Variants in PM20D2 observed in about 807,000 individuals in gnomAD.
The protein encoded by PM20D2 is xaa-Arg dipeptidase.
In PM20D2, 33 loss-of-function variants were observed where a neutral mutation model predicts 42.9. That is an observed-to-expected ratio of 0.77 (90% CI 0.58 to 1.03). The LOEUF (loss-of-function observed/expected upper bound fraction) is 1.03, where lower values mean the gene tolerates loss of function less well. Among genes scored for constraint, PM20D2 ranks in the 50% least tolerant of loss-of-function variants. The pLI is 0.00. For synonymous variants in PM20D2, 250 were observed against 228.2 expected (o/e 1.10, Z -0.86); for missense variants, 548 against 557.0 (o/e 0.98, Z 0.16).
At chr6:89,120,710 TA>T in the PM20D2 span, among the ~76,000 whole-genome samples, 633 of 144,276 alleles carry the variant, frequency 4.4e-3, 5 homozygotes, top group African/African-American at 0.011. Flanking sequence ...TACAGAAAAT[TA>T]AAAAAAAAAA....
the PM20D2 span, chr6:89,105,152 C>G: frequency 6.2e-7 from 1 of 1,612,666 alleles, no homozygotes; most frequent in Non-Finnish European, 8.5e-7. Flanking sequence ...CCTATTTCTT[C>G]CCCATGAAGA....
chr6:89,156,207 G>T (rs1279349300), intron 4 of PM20D2, among the ~76,000 whole-genome samples: 1 of 152,094 alleles, frequency 6.6e-6, no homozygotes, highest in Non-Finnish European at 1.5e-5. Context: ...GAACTATAAA[G>T]TTAGTATTTA....
At chr6:89,130,072 C>CTT in the PM20D2 span, among the ~76,000 whole-genome samples, 1 of 149,126 alleles carries the variant, frequency 6.7e-6, no homozygotes, top group East Asian at 2.0e-4. Flanking sequence ...GTATACAACA[C>CTT]TTTTTTTGTT....
At chr6:89,099,224 A>G in the PM20D2 span, among the ~76,000 whole-genome samples, 14 of 152,050 alleles carry the variant, frequency 9.2e-5, no homozygotes, top group Admixed American at 6.6e-4. Context: ...TCTGAGTTAT[A>G]CAGCTCTTAA....
chr6:89,163,596 C>T lies in PM20D2; in HGVS notation c.*1333C>T, dbSNP rs1771318833. The T allele has an allele frequency of 1.3e-5, 2 of 152,444 alleles. No individual in the cohort carries two copies. Among genetic ancestry groups the T allele is most frequent in the Middle Eastern group, 3.4e-3 (1 of 296 alleles). The allele number at this position is 152,444 out of a possible 1,614,324, so 9.4% of individuals were successfully genotyped here. On this transcript the variant is annotated 3_prime_UTR_variant, in exon 7 of 7. Transcript: ENST00000275072. ...CTGGACTCAAGCAGTCCTCCCACCT[C>T]AGCCTCCTAAAGCACTGGGATTACA...
At chr6:89,129,588 A>ATTTTTT in the PM20D2 span, among the ~76,000 whole-genome samples, 2 of 106,702 alleles carry the variant, frequency 1.9e-5, no homozygotes, top group African/African-American at 7.0e-5. Flanking sequence ...TCTGTTTCTA[A>ATTTTTT]TTTTTTTTTT....
At chr6:89,110,931 CAT>C in the PM20D2 span, among the ~76,000 whole-genome samples, 188 of 152,014 alleles carry the variant, frequency 1.2e-3, no homozygotes, top group East Asian at 0.019. Context: ...GCCTGAGCAA[CAT>C]AGTGAGACCC....
rs1279096194 is a variant in PM20D2, at chr6:89,153,166, A to T, written c.738A>T (p.Lys246Asn). ...NNLSVFRQQM[K>N]PTWRVHGIIK... ...TGTCTGTGTTCAGACAGCAAATGAA[A>T]CCAACCTGGAGAGTTCATGGTATGA... Residue 246 changes from lysine (K) to asparagine (N), a missense_variant, in exon 3 of 7, where the codon AAA becomes AAT. This residue lies in a region of PM20D2 where 470 missense variants were observed against 464.4 expected (regional missense o/e 1.01). Transcript: ENST00000275072. 2 of 1,606,680 alleles carry T rather than the reference A, an allele frequency of 1.2e-6. No individual in the cohort carries two copies. The highest frequency in any genetic ancestry group is 1.7e-6 in the Non-Finnish European group (2 of 1,177,108).
intron 2 of PM20D2, among the ~76,000 whole-genome samples, chr6:89,150,531 CTTTTTTTTTTT>C (rs753768538): frequency 3.4e-5 from 2 of 59,424 alleles, no homozygotes; most frequent in Admixed American, 2.3e-4. Context: ...CTGATCATCT[CTTTTTTTTTTT>C]TTTTTTTTTT....
At chr6:89,104,170 T>C in the PM20D2 span, among the ~76,000 whole-genome samples, 1 of 151,622 alleles carries the variant, frequency 6.6e-6, no homozygotes, top group Non-Finnish European at 1.5e-5. Flanking sequence ...AAGTTGAAGA[T>C]TACAAACTGT....
the PM20D2 span, chr6:89,098,304 A>C: frequency 1.4e-5 from 4 of 295,026 alleles, no homozygotes; most frequent in Non-Finnish European, 6.3e-6. Flanking sequence ...GTTCCAGTTT[A>C]CTCATTTCCC....
At chr6:89,140,213 G>T in the PM20D2 span, among the ~76,000 whole-genome samples, 1 of 152,086 alleles carries the variant, frequency 6.6e-6, no homozygotes, top group Non-Finnish European at 1.5e-5. Flanking sequence ...CTCCTAACAT[G>T]CTGGGATTAC....
At chr6:89,149,645 A>G (rs1268345987) in intron 2 of PM20D2, among the ~76,000 whole-genome samples, 2 of 152,236 alleles carry the variant, frequency 1.3e-5, no homozygotes, top group African/African-American at 2.4e-5. Flanking sequence ...AACCATAGGA[A>G]TAACAAACAT....
chr6:89,116,765 G>C, the PM20D2 span, among the ~76,000 whole-genome samples: 1 of 137,548 alleles, frequency 7.3e-6, no homozygotes, highest in South Asian at 2.3e-4. Context: ...ACAAGAGCGA[G>C]ACTTTGTCTA....
the PM20D2 span, chr6:89,099,039 A>G: frequency 7.2e-7 from 1 of 1,388,754 alleles, no homozygotes; most frequent in Non-Finnish European, 9.6e-7. Flanking sequence ...TTTACATAAC[A>G]TTAGTTATAT....
chr6:89,116,917 A>C, the PM20D2 span, among the ~76,000 whole-genome samples: 3 of 152,242 alleles, frequency 2.0e-5, no homozygotes, highest in East Asian at 5.8e-4. Flanking sequence ...AAATCATTAA[A>C]ACTCTTAGTT....
At chr6:89,120,494 C>A in the PM20D2 span, among the ~76,000 whole-genome samples, 7 of 152,112 alleles carry the variant, frequency 4.6e-5, no homozygotes, top group Non-Finnish European at 7.4e-5. Context: ...TGGGTAGTCA[C>A]AATTACTCAT....
chr6:89,134,331 A>G, the PM20D2 span, among the ~76,000 whole-genome samples: 2 of 151,114 alleles, frequency 1.3e-5, no homozygotes, highest in Admixed American at 1.3e-4. Context: ...AAGAGAATTC[A>G]GCTTCCTTCG....
the PM20D2 span, chr6:89,106,819 T>G: frequency 2.0e-4 from 73 of 365,912 alleles, no homozygotes; most frequent in East Asian, 4.9e-3. Flanking sequence ...AGCCGAAGTC[T>G]CAACCTGGTG....
Sources: gnomAD v4.1 joint callset for allele counts (sites outside exome capture counted in the v4.1 genomes callset) on GRCh38, gnomAD v4.1.1 for gene constraint, gnomAD v4.1.1 regional missense constraint, MANE v1.5 for transcripts, NCBI Gene and HGNC (gene_info 2026-07-23, HGNC 2026-07-21) for gene names.